The following STXBP5L variants were observed in gnomAD, a reference collection of about 807,000 sequenced individuals.
STXBP5L encodes the protein syntaxin binding protein 5L.
STXBP5L carries 65 observed loss-of-function variants against 144.5 expected under a neutral mutation model. The observed-to-expected ratio is 0.45, with a 90% CI of 0.37 to 0.55. The LOEUF is 0.55. Ranked by LOEUF, STXBP5L falls within the 20% of genes least tolerant of loss-of-function variation. STXBP5L has a pLI of 0.00. For synonymous variants in STXBP5L, 505 were observed against 469.6 expected, an observed-to-expected ratio of 1.08 and a Z score of -0.97; for missense variants, 1,298 against 1,405.5, an observed-to-expected ratio of 0.92 and a Z score of 1.22.
intron 3 of STXBP5L, among the ~76,000 whole-genome samples, chr3:121,018,769 C>T (rs1294918311): frequency 2.0e-5 from 3 of 152,150 alleles, no homozygotes; most frequent in Admixed American, 6.5e-5. Context: ...AACTAACTTG[C>T]AGCTACCACT....
At chr3:121,056,096 C>CA (rs1357867023) in intron 5 of STXBP5L, among the ~76,000 whole-genome samples, 3 of 152,076 alleles carry the variant, frequency 2.0e-5, no homozygotes, top group African/African-American at 7.2e-5. Flanking sequence ...TGAACCTTTG[C>CA]ATCTGGTAAG....
chr3:121,399,002 G>C (rs936737369), intron 22 of STXBP5L, among the ~76,000 whole-genome samples: 1 of 152,118 alleles, frequency 6.6e-6, no homozygotes, highest in Non-Finnish European at 1.5e-5. Flanking sequence ...GGAAAAGAAA[G>C]ATCTGGAGGG....
intron 2 of STXBP5L, among the ~76,000 whole-genome samples, chr3:120,928,331 C>T (rs1413399656): frequency 2.6e-5 from 4 of 152,022 alleles, no homozygotes; most frequent in Non-Finnish European, 4.4e-5. Flanking sequence ...GGCGAAATCT[C>T]GGCTCACTGC....
intron 7 of STXBP5L, among the ~76,000 whole-genome samples, chr3:121,123,676 A>G (rs974777877): frequency 1.3e-5 from 2 of 151,792 alleles, no homozygotes; most frequent in African/African-American, 4.8e-5. Context: ...TCAAATTTTT[A>G]TGAAAGAATA....
chr3:121,419,809 C>A lies in STXBP5L; in HGVS notation c.*712C>A, dbSNP rs1304173619. The A allele has an allele frequency of 3.9e-5, 6 of 152,218 alleles. No individual in the cohort carries two copies. The highest frequency in any genetic ancestry group is 2.9e-5 in the Non-Finnish European group (2 of 68,042). The allele number at this position is 152,218 out of a possible 1,614,324, so 9.4% of individuals were successfully genotyped here. A position where few individuals can be genotyped will look rare whatever the true frequency, so the allele number is the denominator to read the frequency against. ...AAATTATTCCCAACACAATCAGTTT[C>A]ATTTCTATCACCTTCAGAATGGGTT... On this transcript the variant is annotated 3_prime_UTR_variant, in exon 27 of 27. Coordinates refer to ENST00000471454, the MANE Select transcript of STXBP5L (RefSeq NM_001308330.2).
At chr3:121,095,377 G>T (rs907311700) in intron 5 of STXBP5L, among the ~76,000 whole-genome samples, 3 of 152,178 alleles carry the variant, frequency 2.0e-5, no homozygotes, top group East Asian at 1.9e-4. Flanking sequence ...AACCTGCAGA[G>T]TGTTTTCCAA....
chr3:121,184,246 A>T (rs1042843906), intron 9 of STXBP5L, among the ~76,000 whole-genome samples: 1 of 151,980 alleles, frequency 6.6e-6, no homozygotes, highest in Non-Finnish European at 1.5e-5. Flanking sequence ...GCTTCAGAAG[A>T]TGGGTAATAA....
rs1157307188 is a variant in STXBP5L at position 121,053,719 on chromosome 3, A to T, written c.470+8184A>T. ...TAAAGCACCAAAAGCAATGACAACA[A>T]AAGCCAAAATTGACAAATGGCATCT... On this transcript the variant is annotated intron_variant, in intron 5 of 26. Coordinates refer to ENST00000471454, the MANE Select transcript of STXBP5L (RefSeq NM_001308330.2). Among the ~76,000 whole-genome samples the T allele has an allele frequency of 2.0e-5, 3 of 152,330 alleles. No individual in the cohort carries two copies. In the East Asian group the frequency reaches 5.8e-4, roughly 29 times the overall value.
chr3:121,207,534 A>T (rs1354572700), intron 10 of STXBP5L, among the ~76,000 whole-genome samples: 1 of 152,226 alleles, frequency 6.6e-6, no homozygotes, highest in Non-Finnish European at 1.5e-5. Context: ...CTACCATCAT[A>T]GTGAACAGGC....
intron 22 of STXBP5L, among the ~76,000 whole-genome samples, chr3:121,386,120 A>G (rs1456750054): frequency 6.6e-6 from 1 of 152,192 alleles, no homozygotes; most frequent in Non-Finnish European, 1.5e-5. Flanking sequence ...CAATAATAAC[A>G]TTGTAAAATC....
intron 7 of STXBP5L, among the ~76,000 whole-genome samples, chr3:121,128,307 A>G (rs1470027978): frequency 6.6e-6 from 1 of 152,046 alleles, no homozygotes; most frequent in Non-Finnish European, 1.5e-5. Flanking sequence ...CATATAGTAA[A>G]TAAAGTAGAG....
chr3:121,138,430 A>T (rs1409437405), intron 7 of STXBP5L, among the ~76,000 whole-genome samples: 1 of 152,146 alleles, frequency 6.6e-6, no homozygotes, highest in African/African-American at 2.4e-5. Flanking sequence ...ATGGAACCAT[A>T]AGAGACTCTA....
chr3:121,387,540 T>C (rs1478921512), intron 22 of STXBP5L, among the ~76,000 whole-genome samples: 1 of 152,140 alleles, frequency 6.6e-6, no homozygotes, highest in South Asian at 2.1e-4. Context: ...GGTTTTAGGT[T>C]TAACATTTAA....
At chr3:121,157,478 A>G (rs1043051324) in intron 8 of STXBP5L, 26 bp from the exon 9 acceptor site, 1 of 1,546,270 alleles carries the variant, frequency 6.5e-7, no homozygotes, top group African/African-American at 1.4e-5. Context: ...TTCCCCCTCT[A>G]CTTGTTTTAA....
chr3:121,106,008 G>T (rs1391181045), intron 5 of STXBP5L, among the ~76,000 whole-genome samples: 2 of 152,068 alleles, frequency 1.3e-5, no homozygotes, highest in African/African-American at 4.8e-5. Context: ...TTTTCAAAGT[G>T]AGAAAAATTT....
chr3:121,138,245 A>G (rs2045350369), intron 7 of STXBP5L, among the ~76,000 whole-genome samples: 1 of 152,080 alleles, frequency 6.6e-6, no homozygotes, highest in Non-Finnish European at 1.5e-5. Flanking sequence ...TAAGACATTG[A>G]TAAGAGAATT....
chr3:121,316,901 T>C (rs1378766956), intron 19 of STXBP5L, among the ~76,000 whole-genome samples: 1 of 152,180 alleles, frequency 6.6e-6, no homozygotes, highest in Non-Finnish European at 1.5e-5. Context: ...AGCAGCCTCC[T>C]CCTCTTTATA....
At chr3:121,172,888 T>A (rs754176437) in intron 9 of STXBP5L, among the ~76,000 whole-genome samples, 5 of 152,206 alleles carry the variant, frequency 3.3e-5, no homozygotes, top group Non-Finnish European at 5.9e-5. Flanking sequence ...CATGTATGTT[T>A]ATTATAGCAC....
intron 3 of STXBP5L, among the ~76,000 whole-genome samples, chr3:121,002,833 G>A (rs1202486264): frequency 6.6e-6 from 1 of 151,016 alleles, no homozygotes; most frequent in Admixed American, 6.6e-5. Flanking sequence ...GCGATAGTTT[G>A]CTGAGAATGA....
Sources: allele counts gnomAD v4.1 joint callset (sites outside exome capture counted in the v4.1 genomes callset), GRCh38; gene constraint gnomAD v4.1.1; transcripts MANE v1.5; gene names NCBI Gene and HGNC (gene_info 2026-07-23, HGNC 2026-07-21).